Variants in NAV3 observed in about 807,000 individuals in gnomAD.
NAV3 encodes pore membrane and/or filament interacting like protein 1.
Under a neutral mutation model 244.7 loss-of-function variants are expected in NAV3, and 87 were observed. The observed-to-expected ratio is 0.36, with a 90% CI of 0.30 to 0.42. NAV3 has a LOEUF of 0.42. NAV3 is among the 20% of genes least tolerant of loss of function. The probability of loss-of-function intolerance (pLI) is 1.00; values close to 1 mark genes in which losing one functional copy is unlikely to be tolerated. For synonymous variants in NAV3, 1,126 were observed against 1,042.2 expected (o/e 1.08, Z -1.55); for missense variants, 2,663 against 2,893.3 (o/e 0.92, Z 1.83).
At chr12:77,938,581 A>G (rs1242721524) in intron 1 of NAV3, among the ~76,000 whole-genome samples, 1 of 152,172 alleles carries the variant, frequency 6.6e-6, no homozygotes, top group Non-Finnish European at 1.5e-5. Context: ...TCTAATAGAA[A>G]GGAACACTTT....
intron 2 of NAV3, among the ~76,000 whole-genome samples, chr12:77,686,338 T>C (rs1340079987): frequency 1.3e-5 from 2 of 151,790 alleles, no homozygotes; most frequent in Non-Finnish European, 2.9e-5. Flanking sequence ...GGTGATCTGC[T>C]TGCATCAGCC....
At chr12:77,984,352 TA>T (rs1454953763) in intron 5 of NAV3, among the ~76,000 whole-genome samples, 19 of 152,122 alleles carry the variant, frequency 1.2e-4, no homozygotes, top group African/African-American at 4.6e-4. Context: ...TCAAAAGTGG[TA>T]AGTGAGAACC....
intron 2 of NAV3, among the ~76,000 whole-genome samples, chr12:77,745,065 G>C (rs750308512): frequency 6.6e-6 from 1 of 151,928 alleles, no homozygotes; most frequent in Non-Finnish European, 1.5e-5. Context: ...TGCTACATAA[G>C]TGTGATAAGG....
At chr12:78,183,525 G>C (rs929366056) in intron 30 of NAV3, among the ~76,000 whole-genome samples, 3 of 151,916 alleles carry the variant, frequency 2.0e-5, no homozygotes, top group Non-Finnish European at 4.4e-5. Context: ...GTAAGCAGCA[G>C]AACTAATAAT....
chr12:77,703,113 T>C (rs971010332), intron 2 of NAV3, among the ~76,000 whole-genome samples: 4 of 152,118 alleles, frequency 2.6e-5, no homozygotes, highest in Admixed American at 6.6e-5. Flanking sequence ...AAATCTGTCC[T>C]GCTCCACCAC....
chr12:77,649,476 C>T (rs569209344), intron 2 of NAV3, among the ~76,000 whole-genome samples: 2 of 152,242 alleles, frequency 1.3e-5, no homozygotes, highest in Admixed American at 6.5e-5. Context: ...TAAATTAGCA[C>T]ATCATGCTGT....
chr12:78,042,046 C>A (rs2137092344), intron 9 of NAV3, among the ~76,000 whole-genome samples: 1 of 152,196 alleles, frequency 6.6e-6, no homozygotes, highest in Admixed American at 6.6e-5. Flanking sequence ...CTTAATCTAT[C>A]CATTCCAATT....
At chr12:78,208,239 G>A (rs906002952) in intron 39 of NAV3, among the ~76,000 whole-genome samples, 2 of 151,994 alleles carry the variant, frequency 1.3e-5, no homozygotes, top group African/African-American at 4.8e-5. Context: ...ACCTGCTCTC[G>A]CACATGAACT....
intron 2 of NAV3, among the ~76,000 whole-genome samples, chr12:77,620,360 G>C (rs1871320957): frequency 6.6e-6 from 1 of 152,114 alleles, no homozygotes; most frequent in African/African-American, 2.4e-5. Context: ...GGACATAGTT[G>C]CTGAGGAAAA....
chr12:77,919,161 A>T (rs1247796957), intron 1 of NAV3, among the ~76,000 whole-genome samples: 2 of 152,224 alleles, frequency 1.3e-5, no homozygotes, highest in East Asian at 3.9e-4. Context: ...GTGAACAAAC[A>T]ACAAATATTT....
chr12:77,872,384 G>T (rs902563941), intron 1 of NAV3, among the ~76,000 whole-genome samples: 1 of 152,142 alleles, frequency 6.6e-6, no homozygotes, highest in African/African-American at 2.4e-5. Context: ...CACTTGAAGT[G>T]CTATGCTTCT....
At chr12:77,997,068 C>T (rs77785968) in intron 6 of NAV3, among the ~76,000 whole-genome samples, 38 of 151,808 alleles carry the variant, frequency 2.5e-4, no homozygotes, top group Non-Finnish European at 3.5e-4. Flanking sequence ...AGGGAAACCC[C>T]GTCTCTATCA....
At chr12:77,899,679 A>G (rs1157854902) in intron 1 of NAV3, among the ~76,000 whole-genome samples, 3 of 152,158 alleles carry the variant, frequency 2.0e-5, no homozygotes, top group African/African-American at 7.2e-5. Flanking sequence ...CTGGAATGGA[A>G]CGTGCAATAT....
At chr12:78,051,174 T>C in intron 11 of NAV3, 27 bp downstream of exon 11, 1 of 1,580,912 alleles carries the variant, frequency 6.3e-7, no homozygotes, top group East Asian at 2.3e-5. Flanking sequence ...TCCGTCAGCA[T>C]TGTGTGAAGA....
chr12:77,632,880 T>C (rs1441892248), intron 2 of NAV3, among the ~76,000 whole-genome samples: 1 of 152,202 alleles, frequency 6.6e-6, no homozygotes, highest in East Asian at 1.9e-4. Context: ...TATATCATAA[T>C]TTAAAATCTT....
chr12:78,171,505 T>C (rs1593890455), intron 24 of NAV3, among the ~76,000 whole-genome samples: 1 of 151,504 alleles, frequency 6.6e-6, no homozygotes, highest in African/African-American at 2.4e-5. Context: ...TCAAGAAATA[T>C]GAAAAAATAA....
At chr12:77,702,754 C>G (rs1382805703) in intron 2 of NAV3, among the ~76,000 whole-genome samples, 1 of 151,824 alleles carries the variant, frequency 6.6e-6, no homozygotes, top group Non-Finnish European at 1.5e-5. Context: ...TTAGAAATTC[C>G]ACTATACAAT....
intron 2 of NAV3, among the ~76,000 whole-genome samples, chr12:77,601,141 G>C (rs956611850): frequency 6.6e-6 from 1 of 151,802 alleles, no homozygotes; most frequent in East Asian, 1.9e-4. Flanking sequence ...CATTTTATCC[G>C]CACAAATACC....
At chr12:77,664,022 A>G (rs1035276390) in intron 2 of NAV3, among the ~76,000 whole-genome samples, 3 of 152,234 alleles carry the variant, frequency 2.0e-5, no homozygotes, top group Admixed American at 6.5e-5. Context: ...AGTCAATGTC[A>G]TGTAAAACAT....
Sources: allele counts gnomAD v4.1 joint callset (sites outside exome capture counted in the v4.1 genomes callset), GRCh38; gene constraint gnomAD v4.1.1; transcripts MANE v1.5; gene names NCBI Gene and HGNC (gene_info 2026-07-23, HGNC 2026-07-21).